TUBGCP6: variants seen among roughly 807,000 people sequenced by gnomAD.
The protein encoded by TUBGCP6 is tubulin gamma complex component 6, also known as gamma-tubulin complex component 6.
TUBGCP6 carries 161 observed loss-of-function variants against 175.8 expected under a neutral mutation model. The ratio of observed to expected loss-of-function variants is 0.92; its 90% CI spans 0.81 to 1.04. The LOEUF (loss-of-function observed/expected upper bound fraction) is 1.04, where lower values mean the gene tolerates loss of function less well. TUBGCP6 is among the 50% of genes least tolerant of loss of function. The pLI, the probability that TUBGCP6 is intolerant of heterozygous loss-of-function variation, is 0.00. For synonymous variants in TUBGCP6, 1,173 were observed against 1,030.5 expected (o/e 1.14, Z -2.65); for missense variants, 2,572 against 2,433.0 (o/e 1.06, Z -1.20).
chr22:50,225,655 C>CCTT (rs1601591360), intron 10 of TUBGCP6, 139 bp downstream of exon 10: 1 of 1,134,218 alleles, frequency 8.8e-7, no homozygotes. Flanking sequence ...TGGCACCCAC[C>CCTT]CAGGCCACCG....
rs2064519281 is a variant in TUBGCP6, at chr22:50,221,324, G to A, written c.3035C>T (p.Ala1012Val). The A allele has an allele frequency of 6.2e-7, 1 of 1,613,126 alleles. No homozygotes were observed. The highest frequency in any genetic ancestry group is 1.3e-5 in the African/African-American group (1 of 74,948). The stretch of plus-strand genomic sequence containing the variant: ...CTGGCTGCTCCCCTCCTCCAGAGCA[G>A]CACGCCTGGGTGGGTGTGAGGGGAG... ...TLLPSHPPRRAALEEGSSQPT... is the reference protein window; with the variant it reads ...TLLPSHPPRRVALEEGSSQPT... Residue 1012 changes from alanine (A) to valine (V), a missense_variant, in exon 16 of 25, where the codon GCT becomes GTT. Physicochemically the swap from Ala to Val is moderately conservative, Grantham distance 64. Coordinates refer to ENST00000248846, the MANE Select transcript of TUBGCP6 (RefSeq NM_020461.4).
rs761225850 is a variant in TUBGCP6 at position 50,219,726 on chromosome 22, A to AGCCTCCGCCGCCGAT, written c.4218_4232dup (p.Ser1407_Ala1411dup). ...CCAGGTAGGCCTGCTCCCCACCCTG[A>AGCCTCCGCCGCCGAT]GCCTCCGCCGCCGATGCCTCCGCCT... On this transcript the variant is annotated inframe_insertion, in exon 18 of 25. Coordinates refer to ENST00000248846, the MANE Select transcript of TUBGCP6 (RefSeq NM_020461.4). The AGCCTCCGCCGCCGAT allele has an allele frequency of 7.3e-5, 118 of 1,613,646 alleles. No individual in the cohort carries two copies. The highest frequency in any genetic ancestry group is 8.8e-5 in the Non-Finnish European group (104 of 1,179,976).
rs1569109214 is a variant in TUBGCP6, at chr22:50,219,280, G to A, written c.4484+8C>T. 1.0e-5 allele frequency: 16 copies of A among 1,606,572 alleles called. No homozygotes were observed. The highest frequency in any genetic ancestry group is 1.4e-5 in the Non-Finnish European group (16 of 1,177,528). On this transcript the variant is annotated splice_region_variant and intron_variant, in intron 19 of 24. Transcript: ENST00000248846. ...TGGGCAGACTGGCGCAGGGGCAGGG[G>A]CACTCACTGGGCGGCCAGCGGTGCC...
intron 15 of TUBGCP6, 63 bp downstream of exon 15, chr22:50,221,965 A>C: frequency 6.2e-7 from 1 of 1,603,112 alleles, no homozygotes; most frequent in Non-Finnish European, 8.5e-7. Context: ...GCCATGACCA[A>C]CACCAGGTGC....
chr22:50,242,654 G>A, intron 1 of TUBGCP6, among the ~76,000 whole-genome samples: 1 of 152,238 alleles, frequency 6.6e-6, no homozygotes. Flanking sequence ...CAAATGAGGA[G>A]CTACAGCGTA....
At chr22:50,226,868 G>T in intron 6 of TUBGCP6, 26 bp from the exon 7 acceptor site, 1 of 1,562,420 alleles carries the variant, frequency 6.4e-7, no homozygotes. Flanking sequence ...GGGGTGGGGG[G>T]CAGCTCAGCG....
chr22:50,219,962 A>G lies in TUBGCP6; in HGVS notation c.4162T>C (p.Ser1388Pro). 1.2e-6 allele frequency: 2 copies of G among 1,614,000 alleles called. No individual in the cohort carries two copies. Among genetic ancestry groups the G allele is most frequent in the African/African-American group, 1.3e-5 (1 of 75,040 alleles). ...EDLSPNWPLN[S>P]QEDTAAQSSP... ...CCAGGCTGCATCCACCTAACCTGTGAGTTGAGAGGCCAATTTGGAGAGAGG... is the reference window on the plus strand; with the variant it reads ...CCAGGCTGCATCCACCTAACCTGTGGGTTGAGAGGCCAATTTGGAGAGAGG... The change falls in exon 17 of 25, where the codon TCA becomes CCA. Residue 1388 changes from serine (S) to proline (P), a missense_variant. By Grantham distance (74) the Ser-to-Pro change is moderately conservative (BLOSUM62 -1). Transcript: ENST00000248846.
intron 15 of TUBGCP6, 34 bp downstream of exon 15, chr22:50,221,994 C>T: frequency 6.2e-7 from 1 of 1,612,768 alleles, no homozygotes; most frequent in Admixed American, 1.7e-5. Context: ...ATGGGAAAAC[C>T]ATAGGGCACC....
rs765557133 is a variant in TUBGCP6 at position 50,226,851 on chromosome 22, C to T, written c.1492-9G>A. The stretch of plus-strand genomic sequence containing the variant: ...GACAGCAGCTTCACGCCCTGCAGAC[C>T]GCAAAGGGGGTGGGGGGCAGCTCAG... On this transcript the variant is annotated splice_polypyrimidine_tract_variant and intron_variant, in intron 6 of 24. Coordinates refer to ENST00000248846, the MANE Select transcript of TUBGCP6 (RefSeq NM_020461.4). 8.3e-5 allele frequency: 130 copies of T among 1,570,594 alleles called. No individual in the cohort carries two copies. The highest frequency in any genetic ancestry group is 1.1e-4 in the Non-Finnish European group (123 of 1,157,538).
At chr22:50,238,631 G>A (rs1159959087) in intron 2 of TUBGCP6, among the ~76,000 whole-genome samples, 4 of 149,782 alleles carry the variant, frequency 2.7e-5, no homozygotes, top group Admixed American at 6.7e-5. Context: ...TCCGCCTCCC[G>A]GGTTCACGCC....
rs769880509 is a variant in TUBGCP6, at chr22:50,218,015, C to T, written c.5271G>A (p.Gly1757=). The T allele has an allele frequency of 6.2e-7, 1 of 1,612,468 alleles. No homozygotes were observed. Among genetic ancestry groups the T allele is most frequent in the South Asian group, 1.1e-5 (1 of 91,034 alleles). Residue 1757 remains glycine, a synonymous_variant, in exon 24 of 25, where the codon GGG becomes GGA. Transcript: ENST00000248846. The part of the protein sequence containing the change: ...FRSQLISQAW[G]PPGGPRGAEH... Reference sequence around the variant, plus strand: ...CTGCACCCCGCGGGCCCCCAGGGGGCCCCCAGGCCTGGGAGATGAGCTGGC... The same window carrying T: ...CTGCACCCCGCGGGCCCCCAGGGGGTCCCCAGGCCTGGGAGATGAGCTGGC...
chr22:50,218,483 C>G lies in TUBGCP6; in HGVS notation c.4954+5G>C. 6.2e-7 allele frequency: 1 copy of G among 1,613,412 alleles called. No individual in the cohort carries two copies. Among genetic ancestry groups the G allele is most frequent in the Non-Finnish European group, 8.5e-7 (1 of 1,179,940 alleles). On this transcript the variant is annotated splice_donor_5th_base_variant and intron_variant, in intron 22 of 24. Coordinates refer to ENST00000248846, the MANE Select transcript of TUBGCP6 (RefSeq NM_020461.4). Reference sequence around the variant, plus strand: ...GCGGGGCGCCGGGCTCCAGCGGGGCCTCACCTGTGCGCTTGAGGTGGAAGC... The same window carrying G: ...GCGGGGCGCCGGGCTCCAGCGGGGCGTCACCTGTGCGCTTGAGGTGGAAGC...
chr22:50,219,282 ACTC>A lies in TUBGCP6; in HGVS notation c.4484+3_4484+5del. On this transcript the variant is annotated splice_donor_5th_base_variant and intron_variant, in intron 19 of 24. Transcript: ENST00000248846. ...GGCAGACTGGCGCAGGGGCAGGGGC[ACTC>A]ACTGGGCGGCCAGCGGTGCCGTGAT... 6.2e-7 allele frequency: 1 copy of A among 1,604,428 alleles called. No homozygotes were observed. Among genetic ancestry groups the A allele is most frequent in the Non-Finnish European group, 8.5e-7 (1 of 1,176,864 alleles).
chr22:50,220,488 G>A lies in TUBGCP6; in HGVS notation c.3871C>T (p.Pro1291Ser). 1 of 1,613,398 alleles carries A rather than the reference G, an allele frequency of 6.2e-7. No individual in the cohort carries two copies. The highest frequency in any genetic ancestry group is 8.5e-7 in the Non-Finnish European group (1 of 1,180,006). The change falls in exon 16 of 25, where the codon CCC becomes TCC. Residue 1291 changes from proline to serine, a missense_variant. Transcript: ENST00000248846. Reference protein sequence around the residue: ...ALSPEAEPNTPRPQQSPPGHT... With the variant: ...ALSPEAEPNTSRPQQSPPGHT... ...CCAGGGGGGCTCTGTTGGGGCCTGG[G>A]TGTGTTGGGCTCAGCTTCTGGTGAG...
rs56133520 is a variant in TUBGCP6, at chr22:50,227,794, G to A, written c.1412+113C>T. 172,167 of 1,435,980 alleles carry A rather than the reference G, an allele frequency of 0.12. 11,545 individuals are homozygous for A. Among genetic ancestry groups the A allele is most frequent in the South Asian group, 0.23 (17,458 of 76,190 alleles). The allele number at this position is 1,435,980 out of a possible 1,614,324, so 89.0% of individuals were successfully genotyped here. A position where few individuals can be genotyped will look rare whatever the true frequency, so the allele number is the denominator to read the frequency against. On this transcript the variant is annotated intron_variant, in intron 5 of 24. Coordinates refer to ENST00000248846, the MANE Select transcript of TUBGCP6 (RefSeq NM_020461.4). ...CAAGGGCCATCCGGTCGCCTGCTGA[G>A]GGCTGTTCTCACAGGCCCTCCTTGC...
At chr22:50,234,105 T>C (rs987252581) in intron 2 of TUBGCP6, among the ~76,000 whole-genome samples, 3 of 140,222 alleles carry the variant, frequency 2.1e-5, no homozygotes, top group Admixed American at 1.4e-4. Context: ...CATGGCAGCA[T>C]CCACACCCCC....
Position 50,226,731 on chromosome 22 carries a change from A to G in TUBGCP6, c.1601+2T>C. 1 of 1,577,092 alleles carries G rather than the reference A, an allele frequency of 6.3e-7. No homozygotes were observed. Among genetic ancestry groups the G allele is most frequent in the Non-Finnish European group, 8.6e-7 (1 of 1,161,532 alleles). ...GCCGCGCCTGCCCAGCCCACTGCCC[A>G]CCGGGTGTAGGGCTCGCAGCTGGTC... is the stretch of plus-strand genomic sequence containing the variant. On this transcript the variant is annotated splice_donor_variant, in intron 7 of 24. Transcript: ENST00000248846. LOFTEE classifies it high-confidence loss of function.
chr22:50,228,203 G>A (rs1296361630), intron 4 of TUBGCP6, among the ~76,000 whole-genome samples, 175 bp from the exon 5 acceptor site: 1 of 152,312 alleles, frequency 6.6e-6, no homozygotes, highest in African/African-American at 2.4e-5. Flanking sequence ...AGGTGGAAAT[G>A]CGGCCCATCC....
At chr22:50,225,119 G>A (rs908112820) in intron 10 of TUBGCP6, among the ~76,000 whole-genome samples, 6 of 140,708 alleles carry the variant, frequency 4.3e-5, no homozygotes, top group Admixed American at 7.7e-5. Flanking sequence ...GGCCATGGAC[G>A]GGAGCTGACC....
Sources: allele counts gnomAD v4.1 joint callset (sites outside exome capture counted in the v4.1 genomes callset), GRCh38; gene constraint gnomAD v4.1.1; transcripts MANE v1.5; gene names NCBI Gene and HGNC (gene_info 2026-07-23, HGNC 2026-07-21).